Variants in KCNQ5 observed in about 807,000 individuals in gnomAD.
The protein encoded by KCNQ5 is potassium voltage-gated channel subfamily Q member 5, also known as potassium voltage-gated channel subfamily KQT member 5.
Under a neutral mutation model 98.2 loss-of-function variants are expected in KCNQ5, and 30 were observed. That is an observed-to-expected ratio of 0.31 (90% confidence interval 0.23 to 0.41). The LOEUF (loss-of-function observed/expected upper bound fraction) is 0.41, where lower values mean the gene tolerates loss of function less well. Ranked by LOEUF, KCNQ5 falls within the 10% of genes least tolerant of loss-of-function variation. The pLI is 1.00. For synonymous variants in KCNQ5, 458 were observed against 449.4 expected (o/e 1.02, Z -0.24); for missense variants, 835 against 1,182.5 (o/e 0.71, Z 4.31).
intron 1 of KCNQ5, among the ~76,000 whole-genome samples, chr6:72,700,382 G>A (rs1768743054): frequency 6.6e-6 from 1 of 151,694 alleles, no homozygotes; most frequent in Non-Finnish European, 1.5e-5. Context: ...AACAATTTCT[G>A]CCATGAATAA....
At chr6:73,012,791 C>T (rs966274475) in intron 2 of KCNQ5, among the ~76,000 whole-genome samples, 1 of 151,732 alleles carries the variant, frequency 6.6e-6, no homozygotes, top group East Asian at 1.9e-4. Context: ...AACAAACCTG[C>T]ACATCCTGCA....
intron 1 of KCNQ5, among the ~76,000 whole-genome samples, chr6:72,645,221 A>C (rs1565053343): frequency 2.7e-5 from 3 of 109,536 alleles, no homozygotes; most frequent in African/African-American, 1.1e-4. Flanking sequence ...AAACAAAAAA[A>C]AACAAAAAAA....
intron 1 of KCNQ5, among the ~76,000 whole-genome samples, chr6:72,801,819 C>A (rs1465521773): frequency 2.0e-5 from 3 of 151,630 alleles, no homozygotes; most frequent in African/African-American, 7.3e-5. Context: ...TAGGGCAGGC[C>A]TGGTGGTGAC....
chr6:72,674,645 C>T (rs1463803657), intron 1 of KCNQ5, among the ~76,000 whole-genome samples: 1 of 152,088 alleles, frequency 6.6e-6, no homozygotes, highest in African/African-American at 2.4e-5. Flanking sequence ...TAGCATGTGC[C>T]TGTAGCCCCA....
chr6:72,784,275 T>C (rs764135184), intron 1 of KCNQ5, among the ~76,000 whole-genome samples: 5 of 152,142 alleles, frequency 3.3e-5, no homozygotes, highest in Non-Finnish European at 4.4e-5. Flanking sequence ...TTCTCCTATA[T>C]GTAAAACCTT....
intron 1 of KCNQ5, among the ~76,000 whole-genome samples, chr6:72,932,584 A>T (rs1414627140): frequency 6.6e-6 from 1 of 152,150 alleles, no homozygotes; most frequent in African/African-American, 2.4e-5. Context: ...TAAAGAGAGT[A>T]AGAGAAAGCT....
At chr6:73,163,419 C>T (rs1057344394) in intron 10 of KCNQ5, among the ~76,000 whole-genome samples, 1 of 151,952 alleles carries the variant, frequency 6.6e-6, no homozygotes, top group African/African-American at 2.4e-5. Context: ...TAATCAATAA[C>T]CATACATCTG....
chr6:72,669,217 C>G (rs1766975488), intron 1 of KCNQ5, among the ~76,000 whole-genome samples: 2 of 152,164 alleles, frequency 1.3e-5, no homozygotes, highest in South Asian at 4.2e-4. Flanking sequence ...CAGCTGTGAA[C>G]CTGTGAAACC....
intron 11 of KCNQ5, among the ~76,000 whole-genome samples, chr6:73,185,453 A>T (rs993733656): frequency 1.3e-5 from 2 of 152,198 alleles, no homozygotes; most frequent in Non-Finnish European, 2.9e-5. Context: ...AAGTGCTGTG[A>T]TTACATGTGT....
chr6:72,768,702 C>T (rs1447850156), intron 1 of KCNQ5, among the ~76,000 whole-genome samples: 3 of 152,010 alleles, frequency 2.0e-5, no homozygotes, highest in African/African-American at 7.2e-5. Flanking sequence ...ATATCACAAT[C>T]TACTTCATGA....
chr6:72,891,339 A>T (rs888312854), intron 1 of KCNQ5, among the ~76,000 whole-genome samples: 4 of 152,292 alleles, frequency 2.6e-5, no homozygotes, highest in Middle Eastern at 3.4e-3. Context: ...AAATGGTTGG[A>T]TGTGTAAATG....
intron 1 of KCNQ5, among the ~76,000 whole-genome samples, chr6:72,874,433 A>C (rs1052286856): frequency 1.3e-5 from 2 of 152,118 alleles, no homozygotes; most frequent in Non-Finnish European, 2.9e-5. Context: ...TATCTACATA[A>C]ATATTTATTG....
chr6:73,179,800 C>T (rs941119888), intron 11 of KCNQ5, among the ~76,000 whole-genome samples: 70 of 152,090 alleles, frequency 4.6e-4, no homozygotes, highest in African/African-American at 1.6e-3. Context: ...GGTTAAACAC[C>T]CCTCTTCTGC....
intron 1 of KCNQ5, among the ~76,000 whole-genome samples, chr6:72,972,947 G>A (rs1042456791): frequency 6.6e-6 from 1 of 152,134 alleles, no homozygotes; most frequent in African/African-American, 2.4e-5. Flanking sequence ...TCAGAGATTT[G>A]TCCAACAGTT....
At chr6:73,129,883 G>C in intron 9 of KCNQ5, 1 of 1,579,460 alleles carries the variant, frequency 6.3e-7, no homozygotes, top group South Asian at 1.1e-5. Context: ...CATGAGATTT[G>C]AGAATGCCAA....
chr6:72,894,711 T>C (rs1258629594), intron 1 of KCNQ5, among the ~76,000 whole-genome samples: 2 of 152,210 alleles, frequency 1.3e-5, no homozygotes, highest in Non-Finnish European at 2.9e-5. Flanking sequence ...ATTATTCATA[T>C]AAAATTATTC....
intron 1 of KCNQ5, among the ~76,000 whole-genome samples, chr6:72,845,555 C>T (rs962916167): frequency 1.4e-4 from 21 of 152,126 alleles, no homozygotes; most frequent in African/African-American, 4.8e-4. Flanking sequence ...CAGATGAAAA[C>T]ATCAGTTGCA....
intron 1 of KCNQ5, among the ~76,000 whole-genome samples, chr6:73,001,660 T>G (rs1275404710): frequency 1.3e-5 from 2 of 152,136 alleles, no homozygotes; most frequent in Admixed American, 6.5e-5. Context: ...GAGGAGGACA[T>G]CTATCACTGT....
intron 10 of KCNQ5, among the ~76,000 whole-genome samples, chr6:73,143,017 T>C (rs1776784685): frequency 6.6e-6 from 1 of 152,204 alleles, no homozygotes; most frequent in Admixed American, 6.5e-5. Context: ...TCTTGTACAA[T>C]GTATGGCCCC....
Sources: allele counts gnomAD v4.1 joint callset (sites outside exome capture counted in the v4.1 genomes callset), GRCh38; gene constraint gnomAD v4.1.1; transcripts MANE v1.5; gene names NCBI Gene and HGNC (gene_info 2026-07-23, HGNC 2026-07-21).